DIAPH2: variants seen among roughly 807,000 people sequenced by gnomAD.
DIAPH2 encodes protein diaphanous homolog 2.
In DIAPH2, 35 loss-of-function variants were observed where a neutral mutation model predicts 92.7. The ratio of observed to expected loss-of-function variants is 0.38; its 90% CI spans 0.29 to 0.50. The LOEUF (loss-of-function observed/expected upper bound fraction) is 0.50. Among genes scored for constraint, DIAPH2 ranks in the 20% least tolerant of loss-of-function variants. The pLI is 0.94. For synonymous variants in DIAPH2, 301 were observed against 280.4 expected (o/e 1.07, Z -0.73); for missense variants, 701 against 819.5 (o/e 0.86, Z 1.77).
intron 4 of DIAPH2, among the ~76,000 whole-genome samples, chrX:96,819,731 A>G (rs2064765179): frequency 8.9e-6 from 1 of 112,538 alleles, no homozygotes; most frequent in African/African-American, 3.2e-5. Context: ...GAGACTAAGC[A>G]GCTTTGTTTC....
chrX:97,161,036 GTTTTTTGT>G (rs1266281745), intron 22 of DIAPH2, among the ~76,000 whole-genome samples: 17 of 94,804 alleles, frequency 1.8e-4, no homozygotes, highest in Non-Finnish European at 3.2e-4. Context: ...TAAGGTTTTT[GTTTTTTGT>G]TTTTTTGTTT....
intron 4 of DIAPH2, among the ~76,000 whole-genome samples, chrX:96,870,033 A>T: frequency 9.1e-6 from 1 of 110,373 alleles, no homozygotes; most frequent in Non-Finnish European, 1.9e-5. Context: ...CCTTTTTAAG[A>T]TGGTTTTGTA....
chrX:97,184,210 A>G (rs893426228), intron 22 of DIAPH2, among the ~76,000 whole-genome samples: 5 of 111,710 alleles, frequency 4.5e-5, no homozygotes, highest in Non-Finnish European at 7.5e-5. Context: ...CCATCATTGA[A>G]GAAACAAGGG....
At chrX:96,694,512 T>C (rs1569367565) in intron 1 of DIAPH2, among the ~76,000 whole-genome samples, 1 of 110,839 alleles carries the variant, frequency 9.0e-6, no homozygotes, top group Admixed American at 9.6e-5. Context: ...AGCTAATTTT[T>C]GTATTTTTAG....
chrX:97,498,200 T>TA (rs1425486392), intron 26 of DIAPH2, among the ~76,000 whole-genome samples: 1 of 110,670 alleles, frequency 9.0e-6, no homozygotes, highest in Non-Finnish European at 1.9e-5. Context: ...TTTTTCTGTC[T>TA]ATCTAATTCT....
At chrX:97,174,301 T>G (rs2067476309) in intron 22 of DIAPH2, among the ~76,000 whole-genome samples, 1 of 110,295 alleles carries the variant, frequency 9.1e-6, no homozygotes, top group Non-Finnish European at 1.9e-5. Flanking sequence ...TTTAACCACT[T>G]TACTATGCTG....
intron 4 of DIAPH2, among the ~76,000 whole-genome samples, chrX:96,863,498 A>G (rs1246179711): frequency 9.0e-6 from 1 of 110,910 alleles, no homozygotes; most frequent in Non-Finnish European, 1.9e-5. Context: ...GAAATTTTAA[A>G]GAAGAGAGTA....
At chrX:97,121,075 A>T (rs2067054522) in intron 21 of DIAPH2, among the ~76,000 whole-genome samples, 1 of 112,291 alleles carries the variant, frequency 8.9e-6, no homozygotes, top group Admixed American at 9.4e-5. Context: ...TCTAGCTAAA[A>T]TAATGTGGAC....
At chrX:96,960,447 G>A (rs1232014997) in intron 16 of DIAPH2, among the ~76,000 whole-genome samples, 1 of 110,607 alleles carries the variant, frequency 9.0e-6, no homozygotes, top group Non-Finnish European at 1.9e-5. Context: ...AATTTTGTGT[G>A]TTGATTTTGT....
chrX:97,089,463 A>G (rs1008146454), intron 19 of DIAPH2, among the ~76,000 whole-genome samples: 2 of 112,018 alleles, frequency 1.8e-5, no homozygotes, highest in East Asian at 2.8e-4. Context: ...GTGGGACTAC[A>G]TCTGAATAAA....
At chrX:97,523,602 C>T (rs1490760590) in intron 26 of DIAPH2, among the ~76,000 whole-genome samples, 1 of 111,397 alleles carries the variant, frequency 9.0e-6, no homozygotes, top group Non-Finnish European at 1.9e-5. Context: ...CCCTCTTACC[C>T]ACCACCTCTT....
At chrX:97,047,757 T>G (rs1288874416) in intron 17 of DIAPH2, among the ~76,000 whole-genome samples, 1 of 108,399 alleles carries the variant, frequency 9.2e-6, no homozygotes, top group East Asian at 2.9e-4. Flanking sequence ...ATTAGGTACT[T>G]TTAAGGGATC....
At chrX:97,438,379 T>A (rs1261074224) in intron 26 of DIAPH2, among the ~76,000 whole-genome samples, 1 of 88,918 alleles carries the variant, frequency 1.1e-5, no homozygotes. Context: ...TTTTTTTTTT[T>A]TTTTGAGACA....
chrX:97,484,431 C>T (rs2070673425), intron 26 of DIAPH2, among the ~76,000 whole-genome samples: 2 of 112,139 alleles, frequency 1.8e-5, no homozygotes. Context: ...AGCACAGTAG[C>T]TGGTGATTCT....
chrX:97,348,668 GTTTC>G (rs2069180257), intron 24 of DIAPH2, among the ~76,000 whole-genome samples: 1 of 111,782 alleles, frequency 8.9e-6, no homozygotes, highest in African/African-American at 3.3e-5. Flanking sequence ...TTATAAATAA[GTTTC>G]TTTCACAGCC....
intron 17 of DIAPH2, among the ~76,000 whole-genome samples, chrX:96,969,981 A>G (rs1415000128): frequency 8.9e-6 from 1 of 112,025 alleles, no homozygotes; most frequent in Non-Finnish European, 1.9e-5. Context: ...GGAGATGATC[A>G]TATGGTTTTT....
chrX:97,444,865 C>T (rs2070293221), intron 26 of DIAPH2, among the ~76,000 whole-genome samples: 1 of 111,708 alleles, frequency 9.0e-6, no homozygotes, highest in African/African-American at 3.3e-5. Flanking sequence ...AACTCTTTTG[C>T]ACCTGGAAGA....
chrX:97,014,812 A>G (rs2147866681), intron 17 of DIAPH2, among the ~76,000 whole-genome samples: 1 of 112,132 alleles, frequency 8.9e-6, no homozygotes, highest in Non-Finnish European at 1.9e-5. Context: ...GAAGGACAAT[A>G]ATATTACCTC....
chrX:97,561,392 G>T (rs1257459145), intron 26 of DIAPH2, among the ~76,000 whole-genome samples: 1 of 112,305 alleles, frequency 8.9e-6, no homozygotes, highest in Non-Finnish European at 1.9e-5. Flanking sequence ...TGACAAACAG[G>T]TGACTGCTGC....
Sources: gnomAD v4.1 joint callset for allele counts (sites outside exome capture counted in the v4.1 genomes callset) on GRCh38, gnomAD v4.1.1 for gene constraint, MANE v1.5 for transcripts, NCBI Gene and HGNC (gene_info 2026-07-23, HGNC 2026-07-21) for gene names.